The following NRG1 variants were observed in gnomAD, a reference collection of about 807,000 sequenced individuals.
The protein encoded by NRG1 is neuregulin 1, also known as pro-neuregulin-1, membrane-bound isoform.
NRG1 carries 18 observed loss-of-function variants against 63.8 expected under a neutral mutation model. The observed-to-expected ratio is 0.28, with a 90% CI of 0.19 to 0.42. The LOEUF is 0.42. Ranked by LOEUF, NRG1 falls within the 10% of genes least tolerant of loss-of-function variation. NRG1 has a pLI of 1.00. For missense variants in NRG1, 762 were observed against 814.7 expected (o/e 0.94, Z 0.79); for synonymous variants, 302 against 301.3 (o/e 1.00, Z -0.02).
intron 1 of NRG1, among the ~76,000 whole-genome samples, chr8:32,099,058 T>C (rs1368713884): frequency 6.6e-6 from 1 of 152,182 alleles, no homozygotes; most frequent in African/African-American, 2.4e-5. Context: ...CCATATTGAT[T>C]AGAGAAAGCA....
At chr8:32,739,879 A>G (rs1825921974) in intron 6 of NRG1, among the ~76,000 whole-genome samples, 1 of 152,176 alleles carries the variant, frequency 6.6e-6, no homozygotes, top group Admixed American at 6.6e-5. Context: ...TAAGAAACAA[A>G]TGGATTATTT....
chr8:32,766,285 G>A (rs1831422168), exon 12 of NRG1: 1 of 152,058 alleles, frequency 6.6e-6, no homozygotes, highest in Non-Finnish European at 1.5e-5. Context: ...GTTAGTATTT[G>A]GTATCTCAAA....
intron 1 of NRG1, among the ~76,000 whole-genome samples, chr8:32,491,793 C>T (rs536110258): frequency 3.9e-5 from 6 of 152,216 alleles, no homozygotes; most frequent in Non-Finnish European, 8.8e-5. Context: ...CCTTCCTGAA[C>T]TTGGGCCACT....
rs533771812 is a variant in NRG1, at chr8:32,370,068, A to G, written c.38-225760A>G. 2.0e-5 allele frequency among the ~76,000 whole-genome samples: 3 copies of G among 152,302 alleles called. No homozygotes were observed. In the South Asian group the frequency reaches 6.2e-4, roughly 32 times the overall value. On this transcript the variant is annotated intron_variant, in intron 1 of 10. Coordinates refer to the NRG1 transcript ENST00000519301. ...GGGACATAGGTCAGGAAAGGGGAGA[A>G]GGACTGACATGAACTGGCAAATGGC... is the stretch of plus-strand genomic sequence containing the variant.
At chr8:31,716,255 T>G (rs1219230639) in intron 1 of NRG1, among the ~76,000 whole-genome samples, 1 of 152,166 alleles carries the variant, frequency 6.6e-6, no homozygotes, top group Non-Finnish European at 1.5e-5. Context: ...TATTGTTTGT[T>G]TTTTGTATTT....
At chr8:32,548,787 G>A (rs367872093) in exon 1 of NRG1, 8 of 1,587,446 alleles carry the variant, frequency 5.0e-6, no homozygotes, top group Admixed American at 3.7e-5. Flanking sequence ...GCGAGGCTCC[G>A]GCAAGAAGCC....
chr8:32,151,362 G>A (rs1837479487), intron 1 of NRG1, among the ~76,000 whole-genome samples: 1 of 152,076 alleles, frequency 6.6e-6, no homozygotes, highest in African/African-American at 2.4e-5. Flanking sequence ...TCTCATTTTG[G>A]ACAAAAATAA....
intron 10 of NRG1, 45 bp from the exon 11 acceptor site, chr8:32,760,155 A>AT (rs1564128405): frequency 6.2e-7 from 1 of 1,606,226 alleles, no homozygotes; most frequent in Middle Eastern, 1.7e-4. Flanking sequence ...TTTGCATATA[A>AT]TTTTTGCACG....
At chr8:32,635,460 C>T in intron 5 of NRG1, among the ~76,000 whole-genome samples, 1 of 152,258 alleles carries the variant, frequency 6.6e-6, no homozygotes, top group Middle Eastern at 3.4e-3. Flanking sequence ...CAATGCTGCA[C>T]AGCACATTTC....
intron 1 of NRG1, among the ~76,000 whole-genome samples, chr8:31,856,421 T>C (rs894508143): frequency 3.1e-4 from 47 of 152,262 alleles, no homozygotes; most frequent in African/African-American, 1.0e-3. Flanking sequence ...TTGAGGCTTC[T>C]GCATTCTTCA....
chr8:31,906,602 G>A (rs907938178), intron 1 of NRG1, among the ~76,000 whole-genome samples: 1 of 151,902 alleles, frequency 6.6e-6, no homozygotes, highest in Non-Finnish European at 1.5e-5. Flanking sequence ...TTTTCATTCC[G>A]AGCAGTACTT....
At chr8:32,215,843 C>A (rs1845167166) in intron 1 of NRG1, among the ~76,000 whole-genome samples, 1 of 151,990 alleles carries the variant, frequency 6.6e-6, no homozygotes, top group South Asian at 2.1e-4. Context: ...GGAGTTCAAG[C>A]CCCATCTGGC....
chr8:31,861,034 G>A (rs1284663884), intron 1 of NRG1, among the ~76,000 whole-genome samples: 3 of 152,314 alleles, frequency 2.0e-5, no homozygotes, highest in Non-Finnish European at 2.9e-5. Context: ...ACCTGCCAAC[G>A]TTAGTGATAC....
chr8:31,644,697 C>T (rs938362217), intron 1 of NRG1, among the ~76,000 whole-genome samples: 3 of 152,042 alleles, frequency 2.0e-5, no homozygotes, highest in South Asian at 2.1e-4. Flanking sequence ...TCCTTTGCTT[C>T]GATACCTATT....
At chr8:32,386,799 T>A (rs1400784901) in intron 1 of NRG1, among the ~76,000 whole-genome samples, 1 of 152,218 alleles carries the variant, frequency 6.6e-6, no homozygotes, top group African/African-American at 2.4e-5. Flanking sequence ...TTTCTTGACC[T>A]ACTCCTAGAC....
intron 6 of NRG1, among the ~76,000 whole-genome samples, chr8:32,730,061 T>A (rs911362326): frequency 3.3e-5 from 5 of 152,220 alleles, no homozygotes; most frequent in Non-Finnish European, 5.9e-5. Flanking sequence ...AAAATTCTAA[T>A]CTCAATTACT....
chr8:32,593,001 A>G (rs1006950936), intron 1 of NRG1, among the ~76,000 whole-genome samples: 2 of 152,304 alleles, frequency 1.3e-5, no homozygotes, highest in Admixed American at 1.3e-4. Context: ...AACATAAAGA[A>G]AATATTACAA....
At chr8:32,510,009 A>G (rs1005950867) in intron 1 of NRG1, among the ~76,000 whole-genome samples, 2 of 151,930 alleles carry the variant, frequency 1.3e-5, no homozygotes, top group South Asian at 2.1e-4. Flanking sequence ...TCCCCCTAAA[A>G]TTTAGCTCCA....
At chr8:32,590,473 C>T (rs1207310784) in intron 1 of NRG1, among the ~76,000 whole-genome samples, 1 of 152,158 alleles carries the variant, frequency 6.6e-6, no homozygotes, top group Non-Finnish European at 1.5e-5. Context: ...TTGAGCTTGC[C>T]TTCAACTAAT....
Sources: gnomAD v4.1 joint callset for allele counts (sites outside exome capture counted in the v4.1 genomes callset) on GRCh38, gnomAD v4.1.1 for gene constraint, MANE v1.5 for transcripts, NCBI Gene and HGNC (gene_info 2026-07-23, HGNC 2026-07-21) for gene names.